Variants in TBC1D22A observed in about 807,000 individuals in gnomAD.
TBC1D22A encodes putative GTPase activator.
TBC1D22A carries 38 observed loss-of-function variants against 60.2 expected under a neutral mutation model. The ratio of observed to expected loss-of-function variants is 0.63; its 90% CI spans 0.49 to 0.83. TBC1D22A has a LOEUF of 0.83. Ranked by LOEUF, TBC1D22A falls within the 40% of genes least tolerant of loss-of-function variation. The probability of loss-of-function intolerance (pLI) is 0.00; values close to 1 mark genes in which losing one functional copy is unlikely to be tolerated. For synonymous variants in TBC1D22A, 302 were observed against 281.7 expected (o/e 1.07, Z -0.72); for missense variants, 628 against 701.0 (o/e 0.90, Z 1.18).
At chr22:47,136,941 G>A (rs6008041) in intron 12 of TBC1D22A, among the ~76,000 whole-genome samples, 6,317 of 152,252 alleles carry the variant, frequency 0.041, 359 homozygotes, top group African/African-American at 0.13. Flanking sequence ...CAGTCGCCCC[G>A]GGGCTGTGGG....
At chr22:46,960,267 T>TC (rs2073423529) in intron 8 of TBC1D22A, among the ~76,000 whole-genome samples, 1 of 146,282 alleles carries the variant, frequency 6.8e-6, no homozygotes. Flanking sequence ...TGGACTCATC[T>TC]TTTTTTTTTT....
At chr22:46,793,459 G>A (rs2146900771) in intron 2 of TBC1D22A, 42 bp from the exon 3 acceptor site, 1 of 1,601,866 alleles carries the variant, frequency 6.2e-7, no homozygotes, top group East Asian at 2.2e-5. Context: ...TTTGGGTGAA[G>A]CCTTCGAGCA....
chr22:46,778,316 A>G (rs2083788870), intron 1 of TBC1D22A, among the ~76,000 whole-genome samples: 1 of 152,018 alleles, frequency 6.6e-6, no homozygotes, highest in Admixed American at 6.6e-5. Flanking sequence ...AAACTTCATA[A>G]ACGTTTTGAT....
In TBC1D22A at chr22:47,041,357, T is replaced by C. The variant is rs536276821; in HGVS notation, c.1329+4159T>C. ...TTCGGATCTGGTCATTCCTCTACCA[T>C]TTGCTTCCTCTCCCGAGGGTCAGAG... is the stretch of plus-strand genomic sequence containing the variant. On this transcript the variant is annotated intron_variant, in intron 11 of 12. Coordinates refer to ENST00000337137, the MANE Select transcript of TBC1D22A (RefSeq NM_014346.5). 1.5e-4 allele frequency among the ~76,000 whole-genome samples: 23 copies of C among 152,246 alleles called. No individual in the cohort carries two copies. The South Asian group carries it at 4.6e-3, about 30-fold the overall frequency.
chr22:46,880,906 C>T lies in TBC1D22A; in HGVS notation c.708+2183C>T, dbSNP rs188008046. On this transcript the variant is annotated intron_variant, in intron 5 of 12. Transcript: ENST00000337137. ...TGTTAGATCAGGGAGCAAAGCTTGTCGTTGCAAATGTTGGGTGCTAAGAAA... is the reference window on the plus strand; with the variant it reads ...TGTTAGATCAGGGAGCAAAGCTTGTTGTTGCAAATGTTGGGTGCTAAGAAA... 3.9e-5 allele frequency among the ~76,000 whole-genome samples: 6 copies of T among 152,202 alleles called. No homozygotes were observed. In the East Asian group the frequency reaches 9.6e-4, roughly 24 times the overall value.
intron 9 of TBC1D22A, among the ~76,000 whole-genome samples, chr22:46,991,318 T>C (rs1277575867): frequency 2.0e-5 from 3 of 152,190 alleles, no homozygotes; most frequent in Non-Finnish European, 4.4e-5. Context: ...TCCCTCCTCT[T>C]GGCAGAGACT....
Position 46,777,215 on chromosome 22 carries a change from G to A in TBC1D22A, c.62+14367G>A, listed in dbSNP as rs931751375. 2.6e-5 allele frequency among the ~76,000 whole-genome samples: 4 copies of A among 151,474 alleles called. No homozygotes were observed. The highest frequency in any genetic ancestry group is 1.3e-4 in the Admixed American group (2 of 15,108). On this transcript the variant is annotated intron_variant, in intron 1 of 12. Transcript: ENST00000337137. This position sits in a 1 kb window ranked among gnomAD's most constrained non-coding sequence, Gnocchi z 4.5. ...TCAGAATGAGAGAAAATGGAGCCCC[G>A]ATTTAAGTTAGTGGGACAGAGGGTT... is the stretch of plus-strand genomic sequence containing the variant.
At chr22:47,102,575 A>G (rs2065461285) in intron 11 of TBC1D22A, among the ~76,000 whole-genome samples, 1 of 152,212 alleles carries the variant, frequency 6.6e-6, no homozygotes, top group Non-Finnish European at 1.5e-5. Context: ...TTATTAAATT[A>G]GTTTTAAGAT....
At chr22:46,962,893 T>C (rs1349747381) in intron 8 of TBC1D22A, among the ~76,000 whole-genome samples, 2 of 152,040 alleles carry the variant, frequency 1.3e-5, no homozygotes, top group African/African-American at 4.8e-5. Flanking sequence ...GTTCCTAAAA[T>C]TTTTTTTGTG....
intron 9 of TBC1D22A, among the ~76,000 whole-genome samples, chr22:46,984,405 A>AAAAAAAAAAAG (rs1569304186): frequency 3.0e-5 from 4 of 135,244 alleles, no homozygotes; most frequent in Admixed American, 7.5e-5. Context: ...AAAAAAAAAA[A>AAAAAAAAAAAG]AGAGAAGTTC....
chr22:47,047,375 A>G (rs2063065580), intron 11 of TBC1D22A, among the ~76,000 whole-genome samples: 1 of 152,238 alleles, frequency 6.6e-6, no homozygotes, highest in African/African-American at 2.4e-5. Context: ...GATTGAAATC[A>G]TAGTCCTAAA....
chr22:46,781,484 C>T (rs1221098668), intron 1 of TBC1D22A, among the ~76,000 whole-genome samples: 2 of 152,172 alleles, frequency 1.3e-5, no homozygotes, highest in African/African-American at 2.4e-5. Flanking sequence ...CCCCAGTTCT[C>T]GTGTTAGACC....
At chr22:46,927,274 T>C (rs1464569565) in intron 8 of TBC1D22A, among the ~76,000 whole-genome samples, 1 of 152,246 alleles carries the variant, frequency 6.6e-6, no homozygotes, top group East Asian at 1.9e-4. Flanking sequence ...GGAATTTATT[T>C]GAGGAATGCT....
intron 9 of TBC1D22A, among the ~76,000 whole-genome samples, chr22:46,983,622 G>C (rs1225438537): frequency 1.3e-5 from 2 of 151,964 alleles, no homozygotes; most frequent in Non-Finnish European, 1.5e-5. Flanking sequence ...TGGGATGTGA[G>C]GTTGGAGGGA....
chr22:47,171,490 C>T (rs543282742), intron 12 of TBC1D22A, among the ~76,000 whole-genome samples: 29 of 152,162 alleles, frequency 1.9e-4, no homozygotes, highest in Non-Finnish European at 4.1e-4. Flanking sequence ...GCAGTGTAGA[C>T]CCCTCCCTCA....
At chr22:46,881,528 C>T (rs754652922) in intron 5 of TBC1D22A, among the ~76,000 whole-genome samples, 16 of 152,318 alleles carry the variant, frequency 1.1e-4, no homozygotes, top group Non-Finnish European at 1.2e-4. Flanking sequence ...CGTCAGACCA[C>T]GCATTCAGAG....
At chr22:46,900,490 G>A (rs2068931029) in intron 7 of TBC1D22A, among the ~76,000 whole-genome samples, 1 of 152,122 alleles carries the variant, frequency 6.6e-6, no homozygotes, top group African/African-American at 2.4e-5. Context: ...TCCCTAATAT[G>A]TGATACAGAA....
intron 8 of TBC1D22A, among the ~76,000 whole-genome samples, chr22:46,952,098 C>G (rs557169402): frequency 1.3e-5 from 2 of 152,250 alleles, no homozygotes; most frequent in South Asian, 4.1e-4. Context: ...GCACCCTTGG[C>G]AAGCAAGTTC....
At chr22:46,814,791 C>T (rs112750979) in intron 4 of TBC1D22A, among the ~76,000 whole-genome samples, 77 of 151,534 alleles carry the variant, frequency 5.1e-4, no homozygotes, top group African/African-American at 1.6e-3. Context: ...GGTTACAGGC[C>T]GCTGCCACCA....
Sources: gnomAD v4.1 joint callset for allele counts (sites outside exome capture counted in the v4.1 genomes callset) on GRCh38, gnomAD v4.1.1 for gene constraint, Gnocchi (gnomAD v3.1) non-coding constraint, MANE v1.5 for transcripts, NCBI Gene and HGNC (gene_info 2026-07-23, HGNC 2026-07-21) for gene names.